Variants in PTPRD observed in about 807,000 individuals in gnomAD.
The protein encoded by PTPRD is receptor-type tyrosine-protein phosphatase delta.
A neutral mutation model predicts 214.5 loss-of-function variants in PTPRD; 34 were observed. The ratio of observed to expected loss-of-function variants is 0.16; its 90% CI spans 0.12 to 0.21. PTPRD has a LOEUF of 0.21. Among genes scored for constraint, PTPRD ranks in the 10% least tolerant of loss-of-function variants. The pLI, the probability that PTPRD is intolerant of heterozygous loss-of-function variation, is 1.00. For missense variants in PTPRD, 2,545 were observed against 2,398.7 expected (o/e 1.06, Z -1.27); for synonymous variants, 1,128 against 845.7 (o/e 1.33, Z -5.79).
chr9:9,142,275 C>T (rs2099861807), intron 10 of PTPRD, among the ~76,000 whole-genome samples: 1 of 152,140 alleles, frequency 6.6e-6, no homozygotes, highest in Non-Finnish European at 1.5e-5. Context: ...TCCTGAGAGG[C>T]CCAGTAACAG....
intron 11 of PTPRD, among the ~76,000 whole-genome samples, chr9:8,744,995 T>C (rs2154449590): frequency 6.6e-6 from 1 of 152,204 alleles, no homozygotes; most frequent in East Asian, 1.9e-4. Context: ...ATTAACCATA[T>C]ATATATCCAA....
intron 5 of PTPRD, among the ~76,000 whole-genome samples, chr9:9,836,295 A>T (rs1174135275): frequency 6.6e-6 from 1 of 152,162 alleles, no homozygotes; most frequent in African/African-American, 2.4e-5. Context: ...GAATGGAGGA[A>T]ACTTTTAATA....
intron 11 of PTPRD, among the ~76,000 whole-genome samples, chr9:8,780,536 T>C (rs374657322): frequency 6.6e-6 from 1 of 152,198 alleles, no homozygotes; most frequent in South Asian, 2.1e-4. Flanking sequence ...ACCGGAGAAG[T>C]CTAACAAAAA....
At chr9:8,565,086 C>T (rs963650655) in intron 14 of PTPRD, among the ~76,000 whole-genome samples, 2 of 152,006 alleles carry the variant, frequency 1.3e-5, no homozygotes, top group Admixed American at 6.6e-5. Flanking sequence ...AACTCAATGA[C>T]GGGGAGAGAC....
chr9:9,390,878 T>A (rs931344487), intron 9 of PTPRD, among the ~76,000 whole-genome samples: 3 of 152,142 alleles, frequency 2.0e-5, no homozygotes, highest in Admixed American at 6.6e-5. Flanking sequence ...TTGTGAGGGG[T>A]AGTGACCTGG....
intron 5 of PTPRD, among the ~76,000 whole-genome samples, chr9:9,903,539 C>A (rs930070062): frequency 2.6e-5 from 4 of 152,104 alleles, no homozygotes; most frequent in African/African-American, 9.7e-5. Flanking sequence ...GTATCACTTA[C>A]TTTACATTTC....
chr9:8,576,945 C>G lies in PTPRD; in HGVS notation c.353-48166G>C, dbSNP rs867993939. ...CCACTGTCAGCAGAGCCATCTGGAC[C>G]TTTATCACCTGTTGTCTATTTTAAC... On this transcript the variant is annotated intron_variant, in intron 14 of 45. Transcript: ENST00000381196. Among the ~76,000 whole-genome samples, 5 of 152,302 alleles carry G rather than the reference C, an allele frequency of 3.3e-5. No individual in the cohort carries two copies. The Middle Eastern group carries it at 0.01, about 311-fold the overall frequency.
intron 7 of PTPRD, among the ~76,000 whole-genome samples, chr9:9,705,055 C>A (rs1042879646): frequency 2.0e-5 from 3 of 152,134 alleles, no homozygotes; most frequent in African/African-American, 7.2e-5. Context: ...CTTTTCTTTT[C>A]TTTTGTTTAA....
chr9:8,798,261 G>A (rs1343467623), intron 11 of PTPRD, among the ~76,000 whole-genome samples: 2 of 151,892 alleles, frequency 1.3e-5, no homozygotes, highest in Admixed American at 1.3e-4. Flanking sequence ...GATCATATAG[G>A]GTAAATCCTA....
At position 9,843,503 on chromosome 9, in the gene PTPRD, CTTATAAGGTT is replaced by C. The variant is rs147568853; in HGVS notation, c.-367-76662_-367-76653del. On this transcript the variant is annotated intron_variant, in intron 5 of 45. Transcript: ENST00000381196. ...ATAAGAAAATTAAAATAAATAATAT[CTTATAAGGTT>C]TTATAAGAATTATAATACCTGCATG... 3.7e-3 allele frequency among the ~76,000 whole-genome samples: 567 copies of C among 151,732 alleles called. 3 individuals carry two copies. The highest frequency in any genetic ancestry group is 0.012 in the African/African-American group (512 of 41,430).
intron 2 of PTPRD, among the ~76,000 whole-genome samples, chr9:10,607,967 TACTGAACAAGGATGGAAA>T (rs2079914116): frequency 6.6e-6 from 1 of 151,944 alleles, no homozygotes; most frequent in South Asian, 2.1e-4. Flanking sequence ...TGTGAGATGG[TACTGAACAAGGATGGAAA>T]ACCTCTCTGT....
At chr9:8,930,231 G>A (rs920919856) in intron 11 of PTPRD, among the ~76,000 whole-genome samples, 5 of 151,600 alleles carry the variant, frequency 3.3e-5, no homozygotes, top group Admixed American at 6.6e-5. Context: ...TTGTCCTTGC[G>A]ATAGTTTGCT....
At chr9:8,396,933 T>A (rs2091325705) in intron 36 of PTPRD, among the ~76,000 whole-genome samples, 1 of 152,194 alleles carries the variant, frequency 6.6e-6, no homozygotes, top group Admixed American at 6.6e-5. Flanking sequence ...AGTGCTTTTA[T>A]GTATTTTTTT....
chr9:9,882,727 AC>A (rs964188332), intron 5 of PTPRD, among the ~76,000 whole-genome samples: 17 of 151,574 alleles, frequency 1.1e-4, no homozygotes, highest in Non-Finnish European at 2.4e-4. Flanking sequence ...ACCCTCCCCA[AC>A]CCCCCTATAC....
intron 3 of PTPRD, among the ~76,000 whole-genome samples, chr9:10,242,190 C>T (rs546332493): frequency 6.6e-6 from 1 of 151,956 alleles, no homozygotes; most frequent in East Asian, 1.9e-4. Context: ...TTCCAGAACC[C>T]TATGACTGGC....
chr9:10,483,919 T>C (rs561742224), intron 2 of PTPRD, among the ~76,000 whole-genome samples: 1 of 152,264 alleles, frequency 6.6e-6, no homozygotes, highest in South Asian at 2.1e-4. Flanking sequence ...GCAAACCCAC[T>C]ACTGCTCATC....
chr9:9,159,052 T>C (rs1403042697), intron 10 of PTPRD, among the ~76,000 whole-genome samples: 3 of 152,210 alleles, frequency 2.0e-5, no homozygotes, highest in African/African-American at 7.2e-5. Context: ...AGAAGGAATG[T>C]ATCTCAACAC....
At chr9:9,488,728 T>G (rs888259552) in intron 8 of PTPRD, among the ~76,000 whole-genome samples, 1 of 152,150 alleles carries the variant, frequency 6.6e-6, no homozygotes, top group Admixed American at 6.5e-5. Context: ...GGCTTGCAAC[T>G]TCCAGGTAAA....
intron 5 of PTPRD, among the ~76,000 whole-genome samples, chr9:9,863,264 G>C (rs1371735480): frequency 6.6e-6 from 1 of 152,146 alleles, no homozygotes; most frequent in Admixed American, 6.5e-5. Context: ...AAGTGGTGCA[G>C]GGGAGTTGGA....
Sources: gnomAD v4.1 joint callset for allele counts (sites outside exome capture counted in the v4.1 genomes callset) on GRCh38, gnomAD v4.1.1 for gene constraint, MANE v1.5 for transcripts, NCBI Gene and HGNC (gene_info 2026-07-23, HGNC 2026-07-21) for gene names.